The following FAT4 variants were observed in gnomAD, a reference collection of about 807,000 sequenced individuals.
The protein encoded by FAT4 is protocadherin Fat 4.
In FAT4, 84 loss-of-function variants were observed where a neutral mutation model predicts 303.9. The observed-to-expected ratio is 0.28, with a 90% confidence interval of 0.23 to 0.33. The LOEUF is 0.33. FAT4 is among the 10% of genes least tolerant of loss of function. The pLI, the probability that FAT4 is intolerant of heterozygous loss-of-function variation, is 1.00. For synonymous variants in FAT4, 2,307 were observed against 2,298.8 expected (o/e 1.00, Z -0.10); for missense variants, 6,005 against 6,146.8 (o/e 0.98, Z 0.77).
At position 125,415,320 on chromosome 4, in the gene FAT4, T is replaced by C. The variant is rs773185384; in HGVS notation, c.6357T>C (p.Asn2119=). The change falls in exon 6 of 18, where the codon AAT becomes AAC. Residue 2119 remains asparagine (N), a synonymous_variant. Transcript: ENST00000394329. ...TGELDREEVS[N]YTLTVVATDK... ...AACTGGACAGAGAAGAAGTTTCTAA[T>C]TATACTCTAACAGTGGTGGCTACAG... 6.2e-7 allele frequency: 1 copy of C among 1,614,038 alleles called. No individual in the cohort carries two copies.
chr4:125,399,624 A>T (rs912765587), intron 3 of FAT4, among the ~76,000 whole-genome samples: 5 of 151,976 alleles, frequency 3.3e-5, no homozygotes, highest in Non-Finnish European at 2.9e-5. Context: ...TTCCTGGCAT[A>T]TGAATCAGTG....
In FAT4 at chr4:125,487,847, G is replaced by A. The variant is rs115337303; in HGVS notation, c.13084+241G>A. Among the ~76,000 whole-genome samples the A allele has an allele frequency of 2.1e-3, 312 of 152,178 alleles. 2 individuals are homozygous for A. The highest frequency in any genetic ancestry group is 6.9e-3 in the African/African-American group (285 of 41,526). On this transcript the variant is annotated intron_variant, in intron 17 of 17. Transcript: ENST00000394329. ...ATAAACTATTAGCCACCACTTTCTC[G>A]AGAGCTTGCATCTTTCTTACCAAGG...
intron 8 of FAT4, among the ~76,000 whole-genome samples, chr4:125,441,128 C>G (rs1725648016): frequency 1.3e-5 from 2 of 152,154 alleles, no homozygotes; most frequent in Non-Finnish European, 2.9e-5. Context: ...GAAGCCCTGA[C>G]TATGCACCAA....
intron 10 of FAT4, among the ~76,000 whole-genome samples, chr4:125,461,912 G>A (rs544013758): frequency 6.6e-6 from 1 of 151,998 alleles, no homozygotes; most frequent in South Asian, 2.1e-4. Context: ...GAGAAATCAA[G>A]CACTATTTGA....
chr4:125,344,277 TGAA>T (rs1328532532), intron 2 of FAT4, among the ~76,000 whole-genome samples: 4 of 152,180 alleles, frequency 2.6e-5, no homozygotes, highest in African/African-American at 7.2e-5. Flanking sequence ...CCAACTACCT[TGAA>T]GAATTGAGAA....
chr4:125,406,440 A>T (rs1257302306), intron 3 of FAT4, among the ~76,000 whole-genome samples: 1 of 151,934 alleles, frequency 6.6e-6, no homozygotes, highest in East Asian at 1.9e-4. Context: ...AATACCTCTA[A>T]CTTTGTTTAT....
chr4:125,373,027 T>C (rs1459714336), intron 2 of FAT4, among the ~76,000 whole-genome samples: 1 of 152,130 alleles, frequency 6.6e-6, no homozygotes, highest in Non-Finnish European at 1.5e-5. Context: ...ATTTTTTAAA[T>C]AAAACATTAC....
chr4:125,318,522 G>T lies in FAT4; in HGVS notation c.2111G>T (p.Gly704Val), dbSNP rs1418206150. Residue 704 changes from glycine to valine, a missense_variant, in exon 2 of 18, where the codon GGA becomes GTA. Physicochemically the swap from Gly to Val is moderately radical, Grantham distance 109 (BLOSUM62 -3). Coordinates refer to ENST00000394329, the MANE Select transcript of FAT4 (RefSeq NM_001291303.3). Reference sequence around the variant, plus strand: ...GCTCACATTAAGGAGAATGAGCCTGGAGGTAGCTACATCACCACTGTGTCT... The same window carrying T: ...GCTCACATTAAGGAGAATGAGCCTGTAGGTAGCTACATCACCACTGTGTCT... ...YFAHIKENEP[G>V]GSYITTVSAT... is the part of the protein sequence containing the mutation. 1 of 1,614,142 alleles carries T rather than the reference G, an allele frequency of 6.2e-7. No individual in the cohort carries two copies.
rs1291032423 is a variant in FAT4, at chr4:125,365,850, G to A, written c.5176-32934G>A. ...CTAAATGTACAGGTTCGTTATATAG[G>A]TCAGGAGTTCCCAACCCCGGGGCCA... On this transcript the variant is annotated intron_variant, in intron 2 of 17. Coordinates refer to ENST00000394329, the MANE Select transcript of FAT4 (RefSeq NM_001291303.3). Among the ~76,000 whole-genome samples the A allele has an allele frequency of 3.9e-5, 6 of 152,200 alleles. No homozygotes were observed. The East Asian group carries it at 7.7e-4, about 20-fold the overall frequency.
chr4:125,378,756 T>C (rs1251434791), intron 2 of FAT4, among the ~76,000 whole-genome samples: 3 of 152,188 alleles, frequency 2.0e-5, no homozygotes, highest in Non-Finnish European at 4.4e-5. Flanking sequence ...AATTCCATAC[T>C]CAATATTTGT....
intron 7 of FAT4, among the ~76,000 whole-genome samples, chr4:125,419,663 T>A (rs1266701852): frequency 6.6e-6 from 1 of 152,152 alleles, no homozygotes; most frequent in African/African-American, 2.4e-5. Flanking sequence ...AATAACTTGG[T>A]CTCTGTCCAT....
At chr4:125,359,425 C>T (rs1264629515) in intron 2 of FAT4, among the ~76,000 whole-genome samples, 1 of 152,138 alleles carries the variant, frequency 6.6e-6, no homozygotes, top group Non-Finnish European at 1.5e-5. Context: ...TGAGTTCATA[C>T]ATATTCATTA....
At chr4:125,409,290 C>T (rs1734752728) in intron 5 of FAT4, among the ~76,000 whole-genome samples, 1 of 149,876 alleles carries the variant, frequency 6.7e-6, no homozygotes, top group Non-Finnish European at 1.5e-5. Context: ...GAGTTTCACT[C>T]TTGTTGCCCA....
Position 125,317,467 on chromosome 4 carries a change from A to G in FAT4, c.1056A>G (p.Val352=). 6.2e-7 allele frequency: 1 copy of G among 1,613,700 alleles called. No homozygotes were observed. Among genetic ancestry groups the G allele is most frequent in the Non-Finnish European group, 8.5e-7 (1 of 1,180,048 alleles). ...QLLDVNDNDP[V]VKFRYFPATS... ...TGGACGTGAATGACAATGACCCGGT[A>G]GTGAAGTTCCGCTACTTCCCGGCCA... Residue 352 remains valine, a synonymous_variant, in exon 2 of 18, where the codon GTA becomes GTG. Transcript: ENST00000394329. The surrounding 1 kb of genome is among the most constrained non-coding windows in gnomAD (Gnocchi z 7.0).
chr4:125,440,914 T>C (rs1560609751), intron 8 of FAT4, among the ~76,000 whole-genome samples: 4 of 152,282 alleles, frequency 2.6e-5, no homozygotes, highest in East Asian at 3.9e-4. Flanking sequence ...CCCTCTCTTA[T>C]ACTCAATCAG....
At chr4:125,460,309 G>A (rs562834822) in intron 10 of FAT4, among the ~76,000 whole-genome samples, 52 of 151,992 alleles carry the variant, frequency 3.4e-4, no homozygotes, top group Non-Finnish European at 4.4e-4. Flanking sequence ...TTTAGGTTCT[G>A]GGTACATGTG....
At chr4:125,358,160 A>G (rs1053616458) in intron 2 of FAT4, among the ~76,000 whole-genome samples, 14 of 152,070 alleles carry the variant, frequency 9.2e-5, no homozygotes, top group African/African-American at 3.4e-4. Context: ...AGTGTTTTAA[A>G]TAACTGAAAC....
chr4:125,388,599 A>G (rs989682413), intron 2 of FAT4, among the ~76,000 whole-genome samples: 1 of 152,132 alleles, frequency 6.6e-6, no homozygotes, highest in Admixed American at 6.6e-5. Flanking sequence ...TTTTAACTTG[A>G]TGTTTTATTC....
chr4:125,432,344 A>G (rs958458875), intron 7 of FAT4, among the ~76,000 whole-genome samples: 2 of 152,250 alleles, frequency 1.3e-5, no homozygotes, highest in African/African-American at 4.8e-5. Context: ...GAGCTTACTC[A>G]TATACCAAAT....
Sources: allele counts gnomAD v4.1 joint callset (sites outside exome capture counted in the v4.1 genomes callset), GRCh38; gene constraint gnomAD v4.1.1; non-coding constraint Gnocchi (gnomAD v3.1); transcripts MANE v1.5; gene names NCBI Gene and HGNC (gene_info 2026-07-23, HGNC 2026-07-21).